Variants in SYTL5 observed in about 807,000 individuals in gnomAD.
The protein encoded by SYTL5 is synaptotagmin-like protein 5.
SYTL5 carries 34 observed loss-of-function variants against 55.9 expected under a neutral mutation model. The observed-to-expected ratio is 0.61, with a 90% confidence interval of 0.46 to 0.81. SYTL5 has a LOEUF of 0.81. Among genes scored for constraint, SYTL5 ranks in the 30% least tolerant of loss-of-function variants. The pLI, the probability that SYTL5 is intolerant of heterozygous loss-of-function variation, is 0.00. For synonymous variants in SYTL5, 221 were observed against 188.7 expected, an observed-to-expected ratio of 1.17 and a Z score of -1.40; for missense variants, 637 against 546.7, an observed-to-expected ratio of 1.17 and a Z score of -1.65.
At chrX:38,018,526 C>T (rs181040216) in intron 1 of SYTL5, among the ~76,000 whole-genome samples, 6 of 110,713 alleles carry the variant, frequency 5.4e-5, no homozygotes, top group South Asian at 3.9e-4. Context: ...CATAAGTATC[C>T]GGACCTCAAC....
the SYTL5 span, among the ~76,000 whole-genome samples, chrX:37,955,637 A>G: frequency 2.7e-5 from 3 of 112,186 alleles, no homozygotes; most frequent in Non-Finnish European, 5.6e-5. Flanking sequence ...ACCCTTATGT[A>G]GCAATACACT....
At chrX:37,907,552 C>T in the SYTL5 span, among the ~76,000 whole-genome samples, 1 of 112,113 alleles carries the variant, frequency 8.9e-6, no homozygotes, top group Non-Finnish European at 1.9e-5. Context: ...TAGCTCTTAC[C>T]ACCTTATGAT....
At chrX:38,018,865 C>T (rs1224439834) in intron 1 of SYTL5, among the ~76,000 whole-genome samples, 1 of 111,907 alleles carries the variant, frequency 8.9e-6, no homozygotes, top group Non-Finnish European at 1.9e-5. Flanking sequence ...CTCTTATTTT[C>T]CTTCCCACTA....
intron 15 of SYTL5, 64 bp from the exon 16 acceptor site, chrX:38,125,234 G>A (rs1209490503): frequency 3.0e-5 from 30 of 989,727 alleles, no homozygotes; most frequent in Middle Eastern, 2.6e-4. Context: ...CATCACACTT[G>A]TGTACACGCT....
chrX:38,001,191 T>C, the SYTL5 span, among the ~76,000 whole-genome samples: 1 of 111,017 alleles, frequency 9.0e-6, no homozygotes, highest in Non-Finnish European at 1.9e-5. Flanking sequence ...ATGAGATATT[T>C]TGATGCAGGT....
chrX:37,996,070 G>A, the SYTL5 span, among the ~76,000 whole-genome samples: 1 of 111,855 alleles, frequency 8.9e-6, no homozygotes, highest in East Asian at 2.8e-4. Context: ...CATGCCTGAG[G>A]TGGAGTTTGG....
At chrX:37,971,889 C>T in the SYTL5 span, among the ~76,000 whole-genome samples, 1 of 108,412 alleles carries the variant, frequency 9.2e-6, no homozygotes, top group African/African-American at 3.4e-5. Flanking sequence ...TTGTGGGATC[C>T]ATGTGTGCTG....
upstream of SYTL5, among the ~76,000 whole-genome samples, chrX:38,004,192 G>A (rs1387851525): frequency 9.0e-6 from 1 of 111,462 alleles, no homozygotes; most frequent in African/African-American, 3.3e-5. Flanking sequence ...TTCTTAACTT[G>A]ATGTGATCCC....
At chrX:38,119,439 T>C (rs1453096866) in intron 13 of SYTL5, among the ~76,000 whole-genome samples, 1 of 112,472 alleles carries the variant, frequency 8.9e-6, no homozygotes, top group African/African-American at 3.2e-5. Context: ...ATAAAGTATA[T>C]GTCATTTTAA....
the SYTL5 span, among the ~76,000 whole-genome samples, chrX:37,933,138 T>G: frequency 9.0e-6 from 1 of 111,600 alleles, no homozygotes; most frequent in Non-Finnish European, 1.9e-5. Flanking sequence ...CAATGTCACA[T>G]TGAGTGAAAA....
At chrX:37,971,807 CTT>C in the SYTL5 span, among the ~76,000 whole-genome samples, 3 of 101,316 alleles carry the variant, frequency 3.0e-5, no homozygotes, top group Admixed American at 1.1e-4. Context: ...TTTATTCCGG[CTT>C]TTTTTTTTTT....
chrX:38,066,504 A>AC (rs1936104946), intron 3 of SYTL5, among the ~76,000 whole-genome samples: 1 of 111,853 alleles, frequency 8.9e-6, no homozygotes, highest in African/African-American at 3.3e-5. Context: ...CTTACAGTGC[A>AC]TAAAGTCTAT....
chrX:37,956,299 A>G, the SYTL5 span, among the ~76,000 whole-genome samples: 3 of 110,358 alleles, frequency 2.7e-5, no homozygotes, highest in Non-Finnish European at 3.8e-5. Context: ...TTTGGTGAGA[A>G]CATTTAACAT....
the SYTL5 span, among the ~76,000 whole-genome samples, chrX:37,960,021 T>C: frequency 2.7e-5 from 3 of 111,803 alleles, no homozygotes; most frequent in African/African-American, 6.5e-5. Context: ...TGGAGCATCT[T>C]GTGCCACAGC....
upstream of SYTL5, among the ~76,000 whole-genome samples, chrX:38,003,598 C>T (rs1933914216): frequency 9.0e-6 from 1 of 111,697 alleles, no homozygotes; most frequent in Non-Finnish European, 1.9e-5. Context: ...AATGGAAGAA[C>T]ATTCCATGCT....
chrX:37,943,320 T>C, the SYTL5 span, among the ~76,000 whole-genome samples: 1 of 111,744 alleles, frequency 8.9e-6, no homozygotes, highest in African/African-American at 3.3e-5. Flanking sequence ...TTGCTAAAGA[T>C]GGTAATGAAG....
chrX:37,964,268 C>A, the SYTL5 span, among the ~76,000 whole-genome samples: 12 of 111,612 alleles, frequency 1.1e-4, no homozygotes, highest in Admixed American at 1.9e-4. Flanking sequence ...TCTGCCTGGG[C>A]CTTGATCTTG....
the SYTL5 span, among the ~76,000 whole-genome samples, chrX:37,963,614 A>G: frequency 1.8e-5 from 2 of 111,809 alleles, no homozygotes; most frequent in African/African-American, 6.5e-5. Context: ...AACTTTACTA[A>G]TTTTTAAATT....
At chrX:38,108,467 T>G (rs2147625791) in intron 11 of SYTL5, 133 bp from the exon 12 acceptor site, 1 of 452,375 alleles carries the variant, frequency 2.2e-6, no homozygotes, top group East Asian at 4.0e-5. Context: ...TCCTGTTATA[T>G]AGACAAAATT....
Sources: gnomAD v4.1 joint callset for allele counts (sites outside exome capture counted in the v4.1 genomes callset) on GRCh38, gnomAD v4.1.1 for gene constraint, MANE v1.5 for transcripts, NCBI Gene and HGNC (gene_info 2026-07-23, HGNC 2026-07-21) for gene names.